The following PLXDC2 variants were observed in gnomAD, a reference collection of about 807,000 sequenced individuals.
PLXDC2 encodes the protein plexin domain-containing protein 2.
Under a neutral mutation model 68.9 loss-of-function variants are expected in PLXDC2, and 40 were observed. That is an observed-to-expected ratio of 0.58 (90% CI 0.45 to 0.76). The LOEUF is 0.76. Ranked by LOEUF, PLXDC2 falls within the 30% of genes least tolerant of loss-of-function variation. The probability of loss-of-function intolerance (pLI) is 0.00; values close to 1 mark genes in which losing one functional copy is unlikely to be tolerated. For synonymous variants in PLXDC2, 243 were observed against 234.2 expected, an observed-to-expected ratio of 1.04 and a Z score of -0.34; for missense variants, 644 against 661.9, an observed-to-expected ratio of 0.97 and a Z score of 0.30.
At chr10:20,001,683 TCA>T in intron 1 of PLXDC2, 90 bp from the exon 2 acceptor site, 1 of 1,153,258 alleles carries the variant, frequency 8.7e-7, no homozygotes, top group Middle Eastern at 2.1e-4. Flanking sequence ...TTCTCGTGCC[TCA>T]CAGAATTCTT....
At chr10:19,933,888 GAAGGAAAGAGAAAGA>G (rs1564632550) in intron 1 of PLXDC2, among the ~76,000 whole-genome samples, 1 of 151,560 alleles carries the variant, frequency 6.6e-6, no homozygotes, top group Non-Finnish European at 1.5e-5. Context: ...GGGAAAAAAG[GAAGGAAAGAGAAAGA>G]AAGGAAAGAG....
chr10:20,265,964 T>A (rs11011922), intron 13 of PLXDC2, among the ~76,000 whole-genome samples: 1 of 151,890 alleles, frequency 6.6e-6, no homozygotes, highest in South Asian at 2.1e-4. Context: ...ATGGAAGAAC[T>A]GGGATCCACA....
intron 2 of PLXDC2, among the ~76,000 whole-genome samples, chr10:20,028,232 T>A (rs78705264): frequency 1.3e-5 from 2 of 152,172 alleles, no homozygotes. Flanking sequence ...CTGATTTAAT[T>A]GGTCTAGAAC....
intron 1 of PLXDC2, among the ~76,000 whole-genome samples, chr10:19,829,152 C>T (rs1285098766): frequency 2.7e-5 from 3 of 110,046 alleles, no homozygotes; most frequent in African/African-American, 1.3e-4. Flanking sequence ...GCACGCTTTC[C>T]TCTTTTTTTT....
chr10:19,822,409 A>C (rs935736557), intron 1 of PLXDC2, among the ~76,000 whole-genome samples: 1 of 151,988 alleles, frequency 6.6e-6, no homozygotes, highest in Non-Finnish European at 1.5e-5. Flanking sequence ...TATCTTGGCT[A>C]TTGTGAATAA....
intron 9 of PLXDC2, among the ~76,000 whole-genome samples, chr10:20,195,923 A>G (rs1012319952): frequency 6.6e-6 from 1 of 152,128 alleles, no homozygotes; most frequent in Non-Finnish European, 1.5e-5. Flanking sequence ...TCAACCCCCA[A>G]GATGTTACGT....
intron 13 of PLXDC2, among the ~76,000 whole-genome samples, chr10:20,272,457 A>G (rs941066917): frequency 6.6e-6 from 1 of 152,154 alleles, no homozygotes; most frequent in African/African-American, 2.4e-5. Flanking sequence ...AGGAAAAAAA[A>G]AATTCAAGAA....
intron 1 of PLXDC2, among the ~76,000 whole-genome samples, chr10:19,825,049 C>T (rs1342811027): frequency 6.6e-6 from 1 of 152,078 alleles, no homozygotes; most frequent in East Asian, 1.9e-4. Flanking sequence ...CTTTACCTTA[C>T]CCTTCAAATT....
chr10:20,044,211 G>GTCTTTCTTTCTT lies in PLXDC2; in HGVS notation c.325-2585_325-2574dup, dbSNP rs1226746835. Among the ~76,000 whole-genome samples the GTCTTTCTTTCTT allele has an allele frequency of 5.5e-3, 380 of 68,556 alleles. 6 individuals carry two copies. Among genetic ancestry groups the GTCTTTCTTTCTT allele is most frequent in the Middle Eastern group, 0.021 (3 of 140 alleles). The allele number at this position is 68,556 out of a possible 152,430, so 45.0% of individuals were successfully genotyped here. ...TTTCTTTCTCTCTCTCTCTCTCTCT[G>GTCTTTCTTTCTT]TCTTTCTTTCTTTCTTTCTTTCTTT... On this transcript the variant is annotated intron_variant, in intron 2 of 13. Coordinates refer to ENST00000377252, the MANE Select transcript of PLXDC2 (RefSeq NM_032812.9).
intron 1 of PLXDC2, among the ~76,000 whole-genome samples, chr10:19,832,153 G>T (rs1159751594): frequency 6.6e-6 from 1 of 151,920 alleles, no homozygotes; most frequent in East Asian, 1.9e-4. Context: ...TGTTTATTGG[G>T]GTTCTCCAGA....
intron 6 of PLXDC2, among the ~76,000 whole-genome samples, chr10:20,160,894 C>A (rs1305347093): frequency 6.6e-6 from 1 of 152,064 alleles, no homozygotes; most frequent in Non-Finnish European, 1.5e-5. Flanking sequence ...GAGGCTGAGG[C>A]AGGAGTATTG....
At chr10:19,991,347 C>CTTT (rs35216913) in intron 1 of PLXDC2, among the ~76,000 whole-genome samples, 10 of 135,416 alleles carry the variant, frequency 7.4e-5, no homozygotes, top group East Asian at 2.2e-4. Flanking sequence ...ATCATTTTCC[C>CTTT]TTTTTTTTTT....
intron 1 of PLXDC2, among the ~76,000 whole-genome samples, chr10:19,941,466 G>C (rs2131398049): frequency 6.6e-6 from 1 of 152,350 alleles, no homozygotes; most frequent in Non-Finnish European, 1.5e-5. Flanking sequence ...ATGATGGGCA[G>C]AGCATTTTGT....
rs1365137918 is a variant in PLXDC2, at chr10:20,286,232, G to C, written c.*6413G>C. 6.6e-6 allele frequency: 1 copy of C among 152,028 alleles called. No individual in the cohort carries two copies. The highest frequency in any genetic ancestry group is 1.5e-5 in the Non-Finnish European group (1 of 68,008). The allele number at this position is 152,028 out of a possible 1,614,324, so 9.4% of individuals were successfully genotyped here. A position where few individuals can be genotyped will look rare whatever the true frequency, so the allele number is the denominator to read the frequency against. On this transcript the variant is annotated 3_prime_UTR_variant, in exon 14 of 14. Coordinates refer to ENST00000377252, the MANE Select transcript of PLXDC2 (RefSeq NM_032812.9). ...CTCACTGTTGACACTGAAAGATTCT[G>C]TGTTACTTTAAACCCAGGATAAAAG...
At chr10:19,900,449 C>A (rs967200745) in intron 1 of PLXDC2, among the ~76,000 whole-genome samples, 3 of 151,944 alleles carry the variant, frequency 2.0e-5, no homozygotes, top group African/African-American at 7.3e-5. Context: ...TTAAAAGGAA[C>A]AAAATTTTTC....
chr10:20,094,650 T>C (rs1184669303), intron 4 of PLXDC2, among the ~76,000 whole-genome samples: 1 of 152,192 alleles, frequency 6.6e-6, no homozygotes, highest in Non-Finnish European at 1.5e-5. Context: ...TAACCTAGAA[T>C]AGTTCATGGT....
chr10:20,199,133 AT>A (rs1296346003), intron 9 of PLXDC2, among the ~76,000 whole-genome samples: 8 of 152,196 alleles, frequency 5.3e-5, no homozygotes, highest in African/African-American at 1.9e-4. Context: ...ATATGGTTTA[AT>A]TTAAAGAAAT....
At chr10:20,160,223 A>G (rs1457286425) in intron 6 of PLXDC2, among the ~76,000 whole-genome samples, 1 of 152,146 alleles carries the variant, frequency 6.6e-6, no homozygotes, top group Non-Finnish European at 1.5e-5. Flanking sequence ...ATTCTTAGGA[A>G]TCTATTTTCT....
intron 1 of PLXDC2, among the ~76,000 whole-genome samples, chr10:19,993,690 G>C (rs1834791134): frequency 6.6e-6 from 1 of 152,208 alleles, no homozygotes; most frequent in East Asian, 1.9e-4. Flanking sequence ...AAAGTGCTGG[G>C]ATTACAGGCG....
Sources: gnomAD v4.1 joint callset for allele counts (sites outside exome capture counted in the v4.1 genomes callset) on GRCh38, gnomAD v4.1.1 for gene constraint, MANE v1.5 for transcripts, NCBI Gene and HGNC (gene_info 2026-07-23, HGNC 2026-07-21) for gene names.